Variants in LYPLA2 observed in about 807,000 individuals in gnomAD.
LYPLA2 encodes lysophospholipase 2.
A neutral mutation model predicts 30.3 loss-of-function variants in LYPLA2; 7 were observed. The observed-to-expected ratio is 0.23, with a 90% CI of 0.13 to 0.43. The LOEUF (loss-of-function observed/expected upper bound fraction) is 0.43. Among genes scored for constraint, LYPLA2 ranks in the 20% least tolerant of loss-of-function variants. The pLI, the probability that LYPLA2 is intolerant of heterozygous loss-of-function variation, is 1.00. For missense variants in LYPLA2, 206 were observed against 307.9 expected, an observed-to-expected ratio of 0.67 and a Z score of 2.48; for synonymous variants, 112 against 118.2, an observed-to-expected ratio of 0.95 and a Z score of 0.34.
At position 23,793,317 on chromosome 1, in the gene LYPLA2, C is replaced by A; in HGVS notation, c.176+101C>A. 3 of 1,285,682 alleles carry A rather than the reference C, an allele frequency of 2.3e-6. No homozygotes were observed. The highest frequency in any genetic ancestry group is 3.3e-6 in the Non-Finnish European group (3 of 897,770). The allele number at this position is 1,285,682 out of a possible 1,614,324, so 79.6% of individuals were successfully genotyped here. A position where few individuals can be genotyped will look rare whatever the true frequency, so the allele number is the denominator to read the frequency against. On this transcript the variant is annotated intron_variant, in intron 4 of 9. Coordinates refer to ENST00000374514, the MANE Select transcript of LYPLA2 (RefSeq NM_007260.3). The surrounding 1 kb of genome is among the most constrained non-coding windows in gnomAD (Gnocchi z 6.0). ...CTCTCCTGTCAGTTGCATCCTGGGG[C>A]TTGGGCTCAGGGCAGTCAGAAGTGG... is the stretch of plus-strand genomic sequence containing the variant.
In LYPLA2 at chr1:23,793,316, G is replaced by T; in HGVS notation, c.176+100G>T. On this transcript the variant is annotated intron_variant, in intron 4 of 9. Coordinates refer to ENST00000374514, the MANE Select transcript of LYPLA2 (RefSeq NM_007260.3). This position sits in a 1 kb window ranked among gnomAD's most constrained non-coding sequence, Gnocchi z 6.0. ...TCTCTCCTGTCAGTTGCATCCTGGGGCTTGGGCTCAGGGCAGTCAGAAGTG... is the reference window on the plus strand; with the variant it reads ...TCTCTCCTGTCAGTTGCATCCTGGGTCTTGGGCTCAGGGCAGTCAGAAGTG... 7 of 1,284,518 alleles carry T rather than the reference G, an allele frequency of 5.4e-6. No individual in the cohort carries two copies. The highest frequency in any genetic ancestry group is 7.8e-6 in the Non-Finnish European group (7 of 895,726). 79.6% of individuals were successfully genotyped at this position (1,284,518 alleles called of 1,614,324 possible).
In LYPLA2 at chr1:23,793,862, T is replaced by C. The variant is rs772355733; in HGVS notation, c.227T>C (p.Phe76Ser). The C allele has an allele frequency of 6.2e-7, 1 of 1,613,838 alleles. No homozygotes were observed. The highest frequency in any genetic ancestry group is 1.3e-5 in the African/African-American group (1 of 74,846). The change falls in exon 6 of 10, where the codon TTT becomes TCT. Residue 76 changes from phenylalanine to serine, a missense_variant and splice_region_variant. Coordinates refer to ENST00000374514, the MANE Select transcript of LYPLA2 (RefSeq NM_007260.3). This position sits in a 1 kb window ranked among gnomAD's most constrained non-coding sequence, Gnocchi z 6.0. ...CTGCCAGTGCCTCTACTCCCAAGGTTTGACCTGATGGGGCTGAGTCCAGAT... is the reference window on the plus strand; with the variant it reads ...CTGCCAGTGCCTCTACTCCCAAGGTCTGACCTGATGGGGCTGAGTCCAGAT... ...LNMKMVMPSW[F>S]DLMGLSPDAP... is the part of the protein sequence containing the mutation.
chr1:23,792,933 G>T, intron 2 of LYPLA2, 75 bp from the exon 3 acceptor site: 1 of 1,521,126 alleles, frequency 6.6e-7, no homozygotes, highest in Non-Finnish European at 9.0e-7. Context: ...GTCCTTGGGG[G>T]TGGGGGAGGG....
intron 1 of LYPLA2, among the ~76,000 whole-genome samples, chr1:23,791,773 A>T (rs1638797541): frequency 6.6e-6 from 1 of 151,456 alleles, no homozygotes; most frequent in African/African-American, 2.4e-5. Flanking sequence ...CCATGGGAAG[A>T]GGAACCCCGG....
In LYPLA2 at chr1:23,794,121, G is replaced by A. The variant is rs1375211802; in HGVS notation, c.354G>A (p.Leu118=). ...KNGIPANRIV[L]GGFSQGGALS... ...GGATCCCTGCCAATCGAATCGTCCT[G>A]GGAGGCTTTTCACAGGTGAGGGGAG... is the stretch of plus-strand genomic sequence containing the variant. Residue 118 remains leucine, a synonymous_variant, in exon 7 of 10, where the codon CTG becomes CTA. Coordinates refer to ENST00000374514, the MANE Select transcript of LYPLA2 (RefSeq NM_007260.3). This position sits in a 1 kb window ranked among gnomAD's most constrained non-coding sequence, Gnocchi z 5.9. 3.1e-6 allele frequency: 5 copies of A among 1,611,664 alleles called. No individual in the cohort carries two copies. The highest frequency in any genetic ancestry group is 3.4e-6 in the Non-Finnish European group (4 of 1,178,342).
rs772968131 is a variant in LYPLA2, at chr1:23,794,402, G to T, written c.472-25G>T. On this transcript the variant is annotated intron_variant, in intron 8 of 9. Coordinates refer to ENST00000374514, the MANE Select transcript of LYPLA2 (RefSeq NM_007260.3). The surrounding 1 kb of genome is among the most constrained non-coding windows in gnomAD (Gnocchi z 5.9). ...TGGGGACTGCTGCAGCACTAGCTTT[G>T]CCCTGAGTCCTGTCCGGCCTCCAGG... 2 of 1,612,686 alleles carry T rather than the reference G, an allele frequency of 1.2e-6. No homozygotes were observed. The highest frequency in any genetic ancestry group is 2.7e-5 in the African/African-American group (2 of 74,742).
intron 1 of LYPLA2, 154 bp from the exon 2 acceptor site, chr1:23,792,503 T>A (rs1211214694): frequency 2.0e-5 from 12 of 614,596 alleles, no homozygotes; most frequent in East Asian, 8.2e-5. Context: ...GAGGCAGACT[T>A]CTTCTCCTGT....
At position 23,794,551 on chromosome 1, in the gene LYPLA2, G is replaced by A; in HGVS notation, c.596G>A (p.Arg199Lys). 6.2e-7 allele frequency: 1 copy of A among 1,614,186 alleles called. No homozygotes were observed. Among genetic ancestry groups the A allele is most frequent in the Admixed American group, 1.7e-5 (1 of 60,028 alleles). ...EKLRSVVTPA[R>K]VQFKTYPGVM... ...CTCCGGTCTGTTGTCACACCTGCCA[G>A]GGTCCAGTTCAAGACATACCCGGGT... The change falls in exon 9 of 10, where the codon AGG (arginine) becomes AAG (lysine). Residue 199 changes from arginine (R) to lysine (K), a missense_variant. Physicochemically the swap from Arg to Lys is conservative, Grantham distance 26 (BLOSUM62 2). Coordinates refer to ENST00000374514, the MANE Select transcript of LYPLA2 (RefSeq NM_007260.3). The surrounding 1 kb of genome is among the most constrained non-coding windows in gnomAD (Gnocchi z 5.9).
At position 23,793,611 on chromosome 1, in the gene LYPLA2, GC is replaced by G. The variant is rs200919684; in HGVS notation, c.177-92del. The G allele has an allele frequency of 4.9e-3, 6,332 of 1,301,508 alleles. 24 individuals are homozygous for G. Among genetic ancestry groups the G allele is most frequent in the Admixed American group, 7.1e-3 (420 of 59,290 alleles). 80.6% of individuals were successfully genotyped at this position (1,301,508 alleles called of 1,614,324 possible). A position where few individuals can be genotyped will look rare whatever the true frequency, so the allele number is the denominator to read the frequency against. ...ACACAGGCCCTGCCTGCTGGGAGGG[GC>G]CACCAGGGGCGGCGCGGCCCCACTC... On this transcript the variant is annotated intron_variant, in intron 4 of 9. Coordinates refer to ENST00000374514, the MANE Select transcript of LYPLA2 (RefSeq NM_007260.3). The surrounding 1 kb of genome is among the most constrained non-coding windows in gnomAD (Gnocchi z 6.0).
In LYPLA2 at chr1:23,795,101, C is replaced by T; in HGVS notation, c.*369C>T. ...CCTCCTGTGACCTCAGGGTTTGGCC[C>T]ATGGGGCCCCCCCAGGCCCCTGCCC... On this transcript the variant is annotated 3_prime_UTR_variant, in exon 10 of 10. Transcript: ENST00000374514. The T allele has an allele frequency of 2.2e-6, 1 of 444,472 alleles. No individual in the cohort carries two copies. The highest frequency in any genetic ancestry group is 3.2e-5 in the Admixed American group (1 of 31,146). 27.5% of individuals were successfully genotyped at this position (444,472 alleles called of 1,614,324 possible). A position where few individuals can be genotyped will look rare whatever the true frequency, so the allele number is the denominator to read the frequency against.
chr1:23,792,339 C>T (rs978964822), intron 1 of LYPLA2, among the ~76,000 whole-genome samples: 1 of 152,104 alleles, frequency 6.6e-6, no homozygotes, highest in Non-Finnish European at 1.5e-5. Flanking sequence ...ATGAAGCAGG[C>T]GTGCCGCTGC....
In LYPLA2 at chr1:23,793,058, G is replaced by T; in HGVS notation, c.110+19G>T. On this transcript the variant is annotated intron_variant, in intron 3 of 9. Transcript: ENST00000374514. The surrounding 1 kb of genome is among the most constrained non-coding windows in gnomAD (Gnocchi z 6.0). ...ACACAGGGTAAGTGACTGAGGAGGG[G>T]TGCTCCTTAAGGAGGGGTCCTGGCC... is the stretch of plus-strand genomic sequence containing the variant. 6.2e-7 allele frequency: 1 copy of T among 1,613,556 alleles called. No individual in the cohort carries two copies. Among genetic ancestry groups the T allele is most frequent in the Non-Finnish European group, 8.5e-7 (1 of 1,179,596 alleles).
Position 23,792,935 on chromosome 1 carries a change from G to T in LYPLA2, c.79-73G>T, listed in dbSNP as rs1034139289. The T allele has an allele frequency of 3.3e-6, 5 of 1,533,258 alleles. No individual in the cohort carries two copies. The African/African-American group carries it at 5.5e-5, about 17-fold the overall frequency. The allele number at this position is 1,533,258 out of a possible 1,614,324, so 95.0% of individuals were successfully genotyped here. A position where few individuals can be genotyped will look rare whatever the true frequency, so the allele number is the denominator to read the frequency against. On this transcript the variant is annotated intron_variant, in intron 2 of 9. Transcript: ENST00000374514. ...TGGGTTCCCCCAGGTCCTTGGGGGT[G>T]GGGGAGGGGTGGGCAGAAGTTGGAG...
In LYPLA2 at chr1:23,793,638, C is replaced by CGGGCTCT. The variant is rs1340089602; in HGVS notation, c.177-65_177-59dup. ...CACCAGGGGCGGCGCGGCCCCACTC[C>CGGGCTCT]GGGCTCTGAGCTCTGGCCTCCTCAT... On this transcript the variant is annotated intron_variant, in intron 4 of 9. Transcript: ENST00000374514. This position sits in a 1 kb window ranked among gnomAD's most constrained non-coding sequence, Gnocchi z 6.0. 18 of 1,549,844 alleles carry CGGGCTCT rather than the reference C, an allele frequency of 1.2e-5. No individual in the cohort carries two copies. Among genetic ancestry groups the CGGGCTCT allele is most frequent in the Non-Finnish European group, 1.5e-5 (17 of 1,121,796 alleles).
rs1638900039 is a variant in LYPLA2 at position 23,794,946 on chromosome 1, T to C, written c.*214T>C. Reference sequence around the variant, plus strand: ...CTGTCTGCAGCAGGGGCAGGCTGCTTTCTTATCCATTTCCCTGGAGGCGGG... The same window carrying C: ...CTGTCTGCAGCAGGGGCAGGCTGCTCTCTTATCCATTTCCCTGGAGGCGGG... On this transcript the variant is annotated 3_prime_UTR_variant, in exon 10 of 10. Transcript: ENST00000374514. The surrounding 1 kb of genome is among the most constrained non-coding windows in gnomAD (Gnocchi z 5.9). 10 of 706,756 alleles carry C rather than the reference T, an allele frequency of 1.4e-5. No homozygotes were observed. Among genetic ancestry groups the C allele is most frequent in the Non-Finnish European group, 2.6e-5 (10 of 389,304 alleles). The allele number at this position is 706,756 out of a possible 1,614,324, so 43.8% of individuals were successfully genotyped here.
rs1570626781 is a variant in LYPLA2, at chr1:23,795,162, T to G, written c.*430T>G. 5.8e-6 allele frequency: 2 copies of G among 342,040 alleles called. No individual in the cohort carries two copies. The highest frequency in any genetic ancestry group is 1.5e-4 in the East Asian group (2 of 12,994). The allele number at this position is 342,040 out of a possible 1,614,324, so 21.2% of individuals were successfully genotyped here. ...TGCCCAGATAATCGTGTCTCCTGCC[T>G]CCACTCAGCTGCTTCTCAGTCATGA... On this transcript the variant is annotated 3_prime_UTR_variant, in exon 10 of 10. Coordinates refer to ENST00000374514, the MANE Select transcript of LYPLA2 (RefSeq NM_007260.3).
In LYPLA2 at chr1:23,794,544, C is replaced by G. The variant is rs1012791700; in HGVS notation, c.589C>G (p.Pro197Ala). ...TAEKLRSVVT[P>A]ARVQFKTYPG... is the part of the protein sequence containing the mutation. ...TGAGAAGCTCCGGTCTGTTGTCACA[C>G]CTGCCAGGGTCCAGTTCAAGACATA... The change falls in exon 9 of 10, where the codon CCT (proline) becomes GCT (alanine). Residue 197 changes from proline to alanine, a missense_variant. By Grantham distance (27) the Pro-to-Ala change is conservative. Coordinates refer to ENST00000374514, the MANE Select transcript of LYPLA2 (RefSeq NM_007260.3). This position sits in a 1 kb window ranked among gnomAD's most constrained non-coding sequence, Gnocchi z 5.9. 6.2e-7 allele frequency: 1 copy of G among 1,614,150 alleles called. No individual in the cohort carries two copies. The highest frequency in any genetic ancestry group is 8.5e-7 in the Non-Finnish European group (1 of 1,180,000).
In LYPLA2 at chr1:23,793,334, C is replaced by A; in HGVS notation, c.176+118C>A. ...TCCTGGGGCTTGGGCTCAGGGCAGTCAGAAGTGGCATTTTCAGCCTGAGCT... is the reference window on the plus strand; with the variant it reads ...TCCTGGGGCTTGGGCTCAGGGCAGTAAGAAGTGGCATTTTCAGCCTGAGCT... On this transcript the variant is annotated intron_variant, in intron 4 of 9. Transcript: ENST00000374514. This position sits in a 1 kb window ranked among gnomAD's most constrained non-coding sequence, Gnocchi z 6.0. The A allele has an allele frequency of 9.3e-7, 1 of 1,077,858 alleles. No individual in the cohort carries two copies. The highest frequency in any genetic ancestry group is 1.4e-6 in the Non-Finnish European group (1 of 723,740). 66.8% of individuals were successfully genotyped at this position (1,077,858 alleles called of 1,614,324 possible). A position where few individuals can be genotyped will look rare whatever the true frequency, so the allele number is the denominator to read the frequency against.
rs771833740 is a variant in LYPLA2, at chr1:23,792,680, T to C, written c.-3T>C. 1 of 1,611,466 alleles carries C rather than the reference T, an allele frequency of 6.2e-7. No homozygotes were observed. The highest frequency in any genetic ancestry group is 2.2e-5 in the East Asian group (1 of 44,864). ...AGGCCCCCGCCGTGGAGCCGTGTGG[T>C]GTATGTGTGGTAACACCATGTCTGT... On this transcript the variant is annotated 5_prime_UTR_variant, in exon 2 of 10. Coordinates refer to ENST00000374514, the MANE Select transcript of LYPLA2 (RefSeq NM_007260.3).
Sources: gnomAD v4.1 joint callset for allele counts (sites outside exome capture counted in the v4.1 genomes callset) on GRCh38, gnomAD v4.1.1 for gene constraint, Gnocchi (gnomAD v3.1) non-coding constraint, MANE v1.5 for transcripts, NCBI Gene and HGNC (gene_info 2026-07-23, HGNC 2026-07-21) for gene names.